EHBP1: variants seen among roughly 807,000 people sequenced by gnomAD.
The protein encoded by EHBP1 is EH domain binding protein 1, also known as EH domain-binding protein 1.
EHBP1 carries 55 observed loss-of-function variants against 144.0 expected under a neutral mutation model. That is an observed-to-expected ratio of 0.38 (90% CI 0.31 to 0.48). EHBP1 has a LOEUF of 0.48. EHBP1 is among the 20% of genes least tolerant of loss of function. The pLI is 0.98. For missense variants in EHBP1, 1,200 were observed against 1,364.2 expected, an observed-to-expected ratio of 0.88 and a Z score of 1.90; for synonymous variants, 469 against 472.7, an observed-to-expected ratio of 0.99 and a Z score of 0.10.
chr2:62,827,671 C>CTT (rs754873194), intron 6 of EHBP1, among the ~76,000 whole-genome samples: 7 of 145,900 alleles, frequency 4.8e-5, no homozygotes, highest in Non-Finnish European at 6.1e-5. Context: ...AGCAAGTTAA[C>CTT]TTTTTTTTTT....
chr2:62,990,907 T>C (rs1168020056), intron 16 of EHBP1, 67 bp downstream of exon 16: 1 of 1,513,376 alleles, frequency 6.6e-7, no homozygotes, highest in Non-Finnish European at 8.9e-7. Context: ...CAGGAGTTTG[T>C]AATTCCAAAA....
At chr2:62,746,388 G>GTA (rs200225335) in intron 2 of EHBP1, among the ~76,000 whole-genome samples, 132 of 151,324 alleles carry the variant, frequency 8.7e-4, no homozygotes, top group African/African-American at 2.6e-3. Flanking sequence ...TTATGTGTGT[G>GTA]TATATATATA....
At position 63,037,538 on chromosome 2, in the gene EHBP1, G is replaced by A; in HGVS notation, c.3107G>A (p.Arg1036Lys). The change falls in exon 20 of 23, where the codon AGG becomes AAG. Residue 1036 changes from arginine (R) to lysine (K), a missense_variant. This residue lies in a region of EHBP1 where 149 missense variants were observed against 217.0 expected (regional missense o/e 0.69). Transcript: ENST00000431489. Reference sequence around the variant, plus strand: ...GGTAACTCTTCCCGAATTATAGGAAGGAACACAGAAGAAGAAGAAGCTATG... The same window carrying A: ...GGTAACTCTTCCCGAATTATAGGAAAGAACACAGAAGAAGAAGAAGCTATG... ...KRLRYLMDTG[R>K]NTEEEEAMMQ... is the part of the protein sequence containing the mutation. 3 of 1,601,594 alleles carry A rather than the reference G, an allele frequency of 1.9e-6. No homozygotes were observed. Among genetic ancestry groups the A allele is most frequent in the Non-Finnish European group, 2.6e-6 (3 of 1,173,124 alleles).
intron 2 of EHBP1, among the ~76,000 whole-genome samples, chr2:62,731,474 G>A: frequency 6.6e-6 from 1 of 152,130 alleles, no homozygotes; most frequent in African/African-American, 2.4e-5. Flanking sequence ...AGACATCCTT[G>A]CCTTATTCCT....
chr2:62,959,864 C>T (rs1465308030), intron 14 of EHBP1, among the ~76,000 whole-genome samples: 1 of 152,058 alleles, frequency 6.6e-6, no homozygotes, highest in Admixed American at 6.6e-5. Flanking sequence ...AAACTTAAGT[C>T]CTTCTGATGA....
rs779434746 is a variant in EHBP1 at position 63,038,810 on chromosome 2, A to G, written c.3271A>G (p.Ile1091Val). The change falls in exon 21 of 23, where the codon ATT becomes GTT. Residue 1091 changes from isoleucine (I) to valine (V), a missense_variant. Around this residue, in one of 6 missense-constraint regions of EHBP1, gnomAD observed 149 missense variants for 217.0 expected, o/e 0.69. Transcript: ENST00000431489. Reference protein sequence around the residue: ...LNRELRAMLAIEDWQKTEAQK... With the variant: ...LNRELRAMLAVEDWQKTEAQK... ...CCGGGAATTGAGGGCAATGCTAGCC[A>G]TTGAAGGTAAGAAATGCTATGGTGG... 4.0e-5 allele frequency: 64 copies of G among 1,613,098 alleles called. No homozygotes were observed. The highest frequency in any genetic ancestry group is 5.2e-5 in the Non-Finnish European group (61 of 1,179,284).
At position 63,045,134 on chromosome 2, in the gene EHBP1, A is replaced by G. The variant is rs751923267; in HGVS notation, c.3346A>G (p.Asn1116Asp). The stretch of plus-strand genomic sequence containing the variant: ...GCTAGATGAGCTGGTGGCCCTGGTG[A>G]ACAAGCGCGATGCGCTCGTCAGGGA... The part of the protein sequence containing the change: ...LLLDELVALV[N>D]KRDALVRDLD... The change falls in exon 22 of 23, where the codon AAC (asparagine) becomes GAC (aspartate). Residue 1116 changes from asparagine to aspartate, a missense_variant. Asn to Asp is a conservative substitution (Grantham distance 23). Coordinates refer to ENST00000431489, the MANE Select transcript of EHBP1 (RefSeq NM_001142616.3). This position sits in a 1 kb window ranked among gnomAD's most constrained non-coding sequence, Gnocchi z 5.7. The G allele has an allele frequency of 1.4e-5, 22 of 1,597,770 alleles. No homozygotes were observed. Among genetic ancestry groups the G allele is most frequent in the Admixed American group, 3.4e-5 (2 of 58,066 alleles).
chr2:62,989,641 A>G (rs980237559), intron 15 of EHBP1, among the ~76,000 whole-genome samples: 2 of 152,148 alleles, frequency 1.3e-5, no homozygotes, highest in Non-Finnish European at 2.9e-5. Context: ...GCTCTCAAGC[A>G]TGCCAGTTAA....
At chr2:62,926,327 T>G (rs2055506094) in intron 10 of EHBP1, among the ~76,000 whole-genome samples, 1 of 151,884 alleles carries the variant, frequency 6.6e-6, no homozygotes, top group Non-Finnish European at 1.5e-5. Context: ...AAAGCATAAA[T>G]AAACAAATGG....
intron 19 of EHBP1, among the ~76,000 whole-genome samples, chr2:63,023,124 G>A (rs889524938): frequency 1.3e-5 from 2 of 152,132 alleles, no homozygotes; most frequent in South Asian, 2.1e-4. Context: ...GCAGTGAGCC[G>A]AGATGACACC....
intron 10 of EHBP1, among the ~76,000 whole-genome samples, chr2:62,877,596 C>A (rs1428382016): frequency 6.6e-6 from 1 of 152,196 alleles, no homozygotes. Context: ...CATGCTCAGT[C>A]ATAACACAAT....
At position 63,030,791 on chromosome 2, in the gene EHBP1, T is replaced by G. The variant is rs2061213459; in HGVS notation, c.3104-6744T>G. Among the ~76,000 whole-genome samples the G allele has an allele frequency of 7.8e-5, 10 of 128,226 alleles. No individual in the cohort carries two copies. In the South Asian group the frequency reaches 2.3e-3, roughly 30 times the overall value. 84.1% of individuals were successfully genotyped at this position (128,226 alleles called of 152,430 possible). On this transcript the variant is annotated intron_variant, in intron 19 of 22. Transcript: ENST00000431489. ...CAGGCATGAACCCGCACACCCAGCTTTTTTTTTTTTTTTTTTTTTTTTGAG... is the reference window on the plus strand; with the variant it reads ...CAGGCATGAACCCGCACACCCAGCTGTTTTTTTTTTTTTTTTTTTTTTGAG...
At chr2:62,943,018 T>C in intron 11 of EHBP1, 122 bp downstream of exon 11, 1 of 712,586 alleles carries the variant, frequency 1.4e-6, no homozygotes, top group Non-Finnish European at 2.2e-6. Context: ...CCCCACCTCT[T>C]GCTTTTGAGA....
chr2:63,032,261 T>TAAA (rs920748022), intron 19 of EHBP1, among the ~76,000 whole-genome samples: 1 of 135,104 alleles, frequency 7.4e-6, no homozygotes, highest in Non-Finnish European at 1.6e-5. Flanking sequence ...TAAAATGATT[T>TAAA]AAAAAAAAAA....
Position 62,979,169 on chromosome 2 carries a change from A to C in EHBP1, c.2461-19A>C. 1 of 1,595,640 alleles carries C rather than the reference A, an allele frequency of 6.3e-7. No homozygotes were observed. The highest frequency in any genetic ancestry group is 8.6e-7 in the Non-Finnish European group (1 of 1,169,258). On this transcript the variant is annotated intron_variant, in intron 14 of 22. Transcript: ENST00000431489. ...ATTTCTGTCAATTACTGAGTTGGCAACTGTTCAATATATCTTAGCAGCAAG... is the reference window on the plus strand; with the variant it reads ...ATTTCTGTCAATTACTGAGTTGGCACCTGTTCAATATATCTTAGCAGCAAG...
Position 62,674,266 on chromosome 2 carries a change from T to G in EHBP1, c.-296+183T>G, listed in dbSNP as rs114718664. Among the ~76,000 whole-genome samples the G allele has an allele frequency of 4.2e-3, 646 of 152,296 alleles. 5 individuals carry two copies. The highest frequency in any genetic ancestry group is 0.015 in the African/African-American group (609 of 41,550). ...TGTTAATGGTAGTATTTCATATTCA[T>G]AAATAAAAATTTAGCACGTAACTAG... On this transcript the variant is annotated intron_variant, in intron 1 of 22. Coordinates refer to the EHBP1 transcript ENST00000405015.
chr2:62,821,365 G>A (rs1032887847), intron 5 of EHBP1, among the ~76,000 whole-genome samples: 1 of 152,076 alleles, frequency 6.6e-6, no homozygotes, highest in Non-Finnish European at 1.5e-5. Context: ...TGAATAATTT[G>A]GACAAGAAAT....
At chr2:62,681,330 A>ATGTG (rs1416624035) in intron 1 of EHBP1, among the ~76,000 whole-genome samples, 15 of 105,468 alleles carry the variant, frequency 1.4e-4, no homozygotes, top group African/African-American at 4.9e-4. Context: ...ATTTGTATGT[A>ATGTG]TGTGTGTGTG....
At chr2:62,812,063 T>C (rs1039151580) in intron 5 of EHBP1, among the ~76,000 whole-genome samples, 2 of 152,188 alleles carry the variant, frequency 1.3e-5, no homozygotes, top group Non-Finnish European at 2.9e-5. Flanking sequence ...GAGTTTGTTA[T>C]AAAAATGAGT....
Sources: allele counts gnomAD v4.1 joint callset (sites outside exome capture counted in the v4.1 genomes callset), GRCh38; gene constraint gnomAD v4.1.1; regional missense constraint gnomAD v4.1.1; non-coding constraint Gnocchi (gnomAD v3.1); transcripts MANE v1.5; gene names NCBI Gene and HGNC (gene_info 2026-07-23, HGNC 2026-07-21).